The following MOXD1 variants were observed in gnomAD, a reference collection of about 807,000 sequenced individuals.
The protein encoded by MOXD1 is monooxygenase DBH like 1, also known as DBH-like monooxygenase protein 1.
In MOXD1, 62 loss-of-function variants were observed where a neutral mutation model predicts 66.6. The observed-to-expected ratio is 0.93, with a 90% CI of 0.76 to 1.15. MOXD1 has a LOEUF of 1.15. MOXD1 is among the 50% of genes most tolerant of loss of function. The pLI is 0.00. For missense variants in MOXD1, 847 were observed against 754.6 expected (o/e 1.12, Z -1.44); for synonymous variants, 303 against 281.9 (o/e 1.07, Z -0.75).
intron 10 of MOXD1, among the ~76,000 whole-genome samples, chr6:132,303,835 G>GTATATATATA (rs1158339059): frequency 1.2e-3 from 59 of 47,540 alleles, no homozygotes; most frequent in Non-Finnish European, 1.8e-3. Context: ...GTGTGTGTGT[G>GTATATATATA]TATATATATA....
intron 10 of MOXD1, among the ~76,000 whole-genome samples, chr6:132,301,982 G>A (rs548290997): frequency 6.6e-6 from 1 of 152,188 alleles, no homozygotes; most frequent in Non-Finnish European, 1.5e-5. Flanking sequence ...ATCTCAATAA[G>A]TTAAGGAGAT....
intron 4 of MOXD1, among the ~76,000 whole-genome samples, chr6:132,340,697 A>AGC (rs1313616414): frequency 2.5e-5 from 3 of 120,206 alleles, no homozygotes; most frequent in African/African-American, 9.8e-5. Context: ...CCCAGGCTGG[A>AGC]GTGCAGTGGC....
rs1157948357 is a variant in MOXD1 at position 132,374,542 on chromosome 6, A to T, written c.411+89T>A. The T allele has an allele frequency of 8.0e-6, 9 of 1,119,036 alleles. No homozygotes were observed. In the East Asian group the frequency reaches 1.9e-4, roughly 24 times the overall value. The allele number at this position is 1,119,036 out of a possible 1,614,324, so 69.3% of individuals were successfully genotyped here. ...TTTCAAAAATATTAGAAAAAAGACT[A>T]TATGACTTGTTTCTCTTATTCTTTA... On this transcript the variant is annotated intron_variant, in intron 2 of 11. Coordinates refer to ENST00000367963, the MANE Select transcript of MOXD1 (RefSeq NM_015529.4).
At chr6:132,320,601 A>G in intron 9 of MOXD1, 28 bp downstream of exon 9, 16 of 1,548,958 alleles carry the variant, frequency 1.0e-5, no homozygotes, top group Non-Finnish European at 1.3e-5. Context: ...CCATAAATGA[A>G]CTTTAATAAT....
chr6:132,312,726 G>C (rs1028040913), intron 10 of MOXD1, among the ~76,000 whole-genome samples: 1 of 150,284 alleles, frequency 6.7e-6, no homozygotes, highest in Non-Finnish European at 1.5e-5. Context: ...TCCTGAGGGA[G>C]ACCAAAGGTA....
intron 1 of MOXD1, among the ~76,000 whole-genome samples, chr6:132,384,139 G>C (rs1776565875): frequency 6.6e-6 from 1 of 151,992 alleles, no homozygotes; most frequent in African/African-American, 2.4e-5. Context: ...GTTAAAACTA[G>C]TTCTTTCCTT....
intron 1 of MOXD1, among the ~76,000 whole-genome samples, chr6:132,400,412 C>T (rs538988017): frequency 3.0e-4 from 46 of 152,060 alleles, no homozygotes; most frequent in African/African-American, 1.1e-3. Flanking sequence ...TCTTCTTCTT[C>T]CTTTTTTTTT....
intron 4 of MOXD1, among the ~76,000 whole-genome samples, chr6:132,340,893 G>A (rs889792635): frequency 1.8e-4 from 28 of 152,102 alleles, no homozygotes; most frequent in African/African-American, 3.9e-4. Context: ...TGATCCGCCC[G>A]CCTCGGCCTC....
Position 132,328,469 on chromosome 6 carries a change from G to C in MOXD1, c.789C>G (p.Pro263=). 6.2e-7 allele frequency: 1 copy of C among 1,614,062 alleles called. No homozygotes were observed. Among genetic ancestry groups the C allele is most frequent in the Non-Finnish European group, 8.5e-7 (1 of 1,180,016 alleles). Residue 263 remains proline, a synonymous_variant, in exon 5 of 12, where the codon CCC becomes CCG. Transcript: ENST00000367963. ...CAGTTTCACAGGTGAGGAATGCATC[G>C]GGCATGTTGGGGTGATAGCACTCGT... is the stretch of plus-strand genomic sequence containing the variant. The part of the protein sequence containing the change: ...SGHECYHPNM[P]DAFLTCETVI...
At chr6:132,390,518 A>C (rs1172728040) in intron 1 of MOXD1, 2 of 151,430 alleles carry the variant, frequency 1.3e-5, no homozygotes, top group Admixed American at 6.6e-5. Context: ...TGCTACCCCC[A>C]CCACCACAAT....
At chr6:132,353,387 C>T (rs1189158923) in intron 4 of MOXD1, among the ~76,000 whole-genome samples, 1 of 152,064 alleles carries the variant, frequency 6.6e-6, no homozygotes, top group Admixed American at 6.5e-5. Context: ...ATTTGTTTGT[C>T]TAAAAAAGAC....
At chr6:132,303,835 GTATATATATATATATA>G (rs1158339059) in intron 10 of MOXD1, among the ~76,000 whole-genome samples, 73 of 47,548 alleles carry the variant, frequency 1.5e-3, no homozygotes, top group African/African-American at 3.4e-3. Flanking sequence ...GTGTGTGTGT[GTATATATATATATATA>G]TATATATATA....
At chr6:132,335,744 C>T (rs762492061) in intron 4 of MOXD1, among the ~76,000 whole-genome samples, 2 of 152,180 alleles carry the variant, frequency 1.3e-5, no homozygotes, top group African/African-American at 4.8e-5. Flanking sequence ...ATTCATACAT[C>T]CTCAATTTTC....
At chr6:132,311,583 T>C (rs184627493) in intron 10 of MOXD1, among the ~76,000 whole-genome samples, 50 of 152,108 alleles carry the variant, frequency 3.3e-4, no homozygotes, top group African/African-American at 1.2e-3. Context: ...CTTCATAAAA[T>C]ATTATTTCTT....
intron 9 of MOXD1, among the ~76,000 whole-genome samples, chr6:132,319,495 A>G (rs1464400033): frequency 6.6e-6 from 1 of 151,844 alleles, no homozygotes; most frequent in Non-Finnish European, 1.5e-5. Flanking sequence ...TTTCTGTTTA[A>G]TTTTTATTTT....
chr6:132,359,092 C>T lies in MOXD1; in HGVS notation c.663+13516G>A, dbSNP rs78475690. 2.0e-3 allele frequency among the ~76,000 whole-genome samples: 306 copies of T among 151,840 alleles called. 2 individuals are homozygous for T. The highest frequency in any genetic ancestry group is 7.2e-3 in the African/African-American group (297 of 41,394). ...ATTTCCACAAGAACTGAAAGGCCATCGTCCTCTTAGGAACTGCCTGCAGCT... is the reference window on the plus strand; with the variant it reads ...ATTTCCACAAGAACTGAAAGGCCATTGTCCTCTTAGGAACTGCCTGCAGCT... On this transcript the variant is annotated intron_variant, in intron 4 of 11. Coordinates refer to ENST00000367963, the MANE Select transcript of MOXD1 (RefSeq NM_015529.4).
rs1046187656 is a variant in MOXD1, at chr6:132,387,968, A to G, written c.265-13191T>C. 2.0e-5 allele frequency among the ~76,000 whole-genome samples: 3 copies of G among 151,254 alleles called. 1 individual carries two copies. Among genetic ancestry groups the G allele is most frequent in the Non-Finnish European group, 4.4e-5 (3 of 67,648 alleles). On this transcript the variant is annotated intron_variant, in intron 1 of 11. Coordinates refer to ENST00000367963, the MANE Select transcript of MOXD1 (RefSeq NM_015529.4). ...AAATGCAGTCTTGTATAATTTGTGT[A>G]CTGAAACCATACTGGTCTCTAGTCA...
chr6:132,345,771 T>G (rs1775656749), intron 4 of MOXD1, among the ~76,000 whole-genome samples: 1 of 152,158 alleles, frequency 6.6e-6, no homozygotes. Flanking sequence ...TAAACCCAAT[T>G]ATATCCTCTG....
Position 132,297,237 on chromosome 6 carries a change from G to A in MOXD1, c.1758C>T (p.Ser586=). Residue 586 remains serine (S), a synonymous_variant, in exon 12 of 12, where the codon TCC becomes TCT. Coordinates refer to ENST00000367963, the MANE Select transcript of MOXD1 (RefSeq NM_015529.4). ...AEPLVCGTSS[S]SSLHRDFSIN... ...TGGAGAAATCTCTGTGCAGGGAAGA[G>A]GAAGAAGACGTGCCACACACCAAAG... 1.2e-6 allele frequency: 2 copies of A among 1,613,660 alleles called. No individual in the cohort carries two copies. The highest frequency in any genetic ancestry group is 8.5e-7 in the Non-Finnish European group (1 of 1,179,692).
Sources: gnomAD v4.1 joint callset for allele counts (sites outside exome capture counted in the v4.1 genomes callset) on GRCh38, gnomAD v4.1.1 for gene constraint, MANE v1.5 for transcripts, NCBI Gene and HGNC (gene_info 2026-07-23, HGNC 2026-07-21) for gene names.